The following CDKAL1 variants were observed in gnomAD, a reference collection of about 807,000 sequenced individuals.
CDKAL1 encodes threonylcarbamoyladenosine tRNA methylthiotransferase.
A neutral mutation model predicts 68.2 loss-of-function variants in CDKAL1; 32 were observed. The ratio of observed to expected loss-of-function variants is 0.47; its 90% CI spans 0.35 to 0.63. CDKAL1 has a LOEUF of 0.63. Ranked by LOEUF, CDKAL1 falls within the 30% of genes least tolerant of loss-of-function variation. The pLI is 0.00. For missense variants in CDKAL1, 606 were observed against 696.7 expected (o/e 0.87, Z 1.47); for synonymous variants, 234 against 244.3 (o/e 0.96, Z 0.39).
At chr6:21,196,346 A>C (rs1001563481) in intron 13 of CDKAL1, among the ~76,000 whole-genome samples, 5 of 152,208 alleles carry the variant, frequency 3.3e-5, no homozygotes, top group African/African-American at 1.2e-4. Context: ...AGTGATACCC[A>C]ATATTCACCA....
intron 8 of CDKAL1, among the ~76,000 whole-genome samples, chr6:20,828,925 G>A (rs1345786622): frequency 2.6e-5 from 4 of 152,074 alleles, no homozygotes; most frequent in African/African-American, 9.7e-5. Flanking sequence ...CCTCATATAA[G>A]TAGAATCGTA....
chr6:21,060,143 A>G (rs763039586), intron 11 of CDKAL1, among the ~76,000 whole-genome samples: 59 of 152,170 alleles, frequency 3.9e-4, no homozygotes, highest in Non-Finnish European at 7.3e-4. Flanking sequence ...GGTAGAATTC[A>G]CCATGAAACC....
chr6:21,094,611 T>C (rs1402871703), intron 12 of CDKAL1, among the ~76,000 whole-genome samples: 1 of 152,204 alleles, frequency 6.6e-6, no homozygotes, highest in African/African-American at 2.4e-5. Flanking sequence ...TGTAGCTTCC[T>C]CTACAATAAA....
At chr6:20,862,565 A>G (rs1236337348) in intron 9 of CDKAL1, among the ~76,000 whole-genome samples, 11 of 152,232 alleles carry the variant, frequency 7.2e-5, no homozygotes, top group Admixed American at 7.2e-4. Flanking sequence ...AGAAAGGAGG[A>G]ACAGGAAAAA....
intron 11 of CDKAL1, among the ~76,000 whole-genome samples, chr6:21,062,907 TTTG>T (rs1425963078): frequency 1.8e-4 from 1 of 5,520 alleles, no homozygotes; most frequent in East Asian, 1.1e-3. Context: ...AGAACTGTTT[TTTG>T]TTTGTTTGTT....
chr6:20,639,949 G>A (rs888796662), intron 4 of CDKAL1, among the ~76,000 whole-genome samples: 1 of 152,234 alleles, frequency 6.6e-6, no homozygotes, highest in Non-Finnish European at 1.5e-5. Context: ...GATTACAGGC[G>A]CGAGCCACCG....
chr6:20,924,304 T>G (rs1763087475), intron 9 of CDKAL1, among the ~76,000 whole-genome samples: 1 of 150,834 alleles, frequency 6.6e-6, no homozygotes, highest in South Asian at 2.1e-4. Context: ...GTGCAAAGGT[T>G]GCAGTGAGCT....
rs1031733725 is a variant in CDKAL1, at chr6:20,788,144, G to A, written c.638+6879G>A. On this transcript the variant is annotated intron_variant, in intron 8 of 15. Transcript: ENST00000274695. ...GCTAATTAGCAAAGCTTCTAGTATT[G>A]ACTAAAGATAAAAGATAGCTTAAAC... 2.6e-5 allele frequency among the ~76,000 whole-genome samples: 4 copies of A among 152,138 alleles called. No individual in the cohort carries two copies. In the South Asian group the frequency reaches 8.3e-4, roughly 32 times the overall value.
At chr6:21,183,636 A>G (rs187519474) in intron 13 of CDKAL1, among the ~76,000 whole-genome samples, 30 of 152,310 alleles carry the variant, frequency 2.0e-4, no homozygotes, top group African/African-American at 3.4e-4. Flanking sequence ...TTCTTATAAT[A>G]AATGGAAGAT....
At chr6:20,955,830 C>G (rs1764750070) in intron 10 of CDKAL1, among the ~76,000 whole-genome samples, 1 of 152,120 alleles carries the variant, frequency 6.6e-6, no homozygotes, top group Non-Finnish European at 1.5e-5. Context: ...TGCCACAGTT[C>G]TTTGTTTCTT....
At chr6:20,656,705 G>A (rs1261843195) in intron 5 of CDKAL1, among the ~76,000 whole-genome samples, 2 of 152,026 alleles carry the variant, frequency 1.3e-5, no homozygotes. Flanking sequence ...GTGTCAATGG[G>A]TTTTGTTATA....
intron 4 of CDKAL1, among the ~76,000 whole-genome samples, chr6:20,597,571 T>G (rs1407338024): frequency 6.6e-6 from 1 of 152,100 alleles, no homozygotes; most frequent in African/African-American, 2.4e-5. Context: ...TGCACCACCA[T>G]GCCCGGCCAG....
intron 10 of CDKAL1, among the ~76,000 whole-genome samples, chr6:20,976,239 G>A (rs896809730): frequency 2.0e-5 from 3 of 152,076 alleles, no homozygotes; most frequent in Non-Finnish European, 2.9e-5. Flanking sequence ...TTGTCTGAAT[G>A]TATCACAACT....
At chr6:20,984,816 G>GT (rs1554152529) in intron 10 of CDKAL1, among the ~76,000 whole-genome samples, 24 of 145,524 alleles carry the variant, frequency 1.6e-4, no homozygotes, top group South Asian at 4.2e-4. Flanking sequence ...AGTAACGGGG[G>GT]GGGGTGGGGA....
At chr6:20,873,180 A>C (rs1252779808) in intron 9 of CDKAL1, among the ~76,000 whole-genome samples, 1 of 152,202 alleles carries the variant, frequency 6.6e-6, no homozygotes, top group Non-Finnish European at 1.5e-5. Flanking sequence ...ATGATGAATA[A>C]GACGATGTTT....
intron 8 of CDKAL1, among the ~76,000 whole-genome samples, chr6:20,835,218 A>T (rs956778624): frequency 6.6e-6 from 1 of 152,198 alleles, no homozygotes; most frequent in African/African-American, 2.4e-5. Context: ...TGTTTCACAG[A>T]TGTATTCATA....
At chr6:21,094,508 A>G (rs1187339885) in intron 12 of CDKAL1, among the ~76,000 whole-genome samples, 2 of 152,208 alleles carry the variant, frequency 1.3e-5, no homozygotes, top group East Asian at 3.8e-4. Context: ...AAAATAGACA[A>G]ACTCTCCAAG....
At chr6:21,110,427 G>A (rs530091213) in intron 13 of CDKAL1, among the ~76,000 whole-genome samples, 149 of 152,168 alleles carry the variant, frequency 9.8e-4, no homozygotes, top group African/African-American at 3.3e-3. Flanking sequence ...ATTTTTCCCC[G>A]CATGAATTAA....
intron 4 of CDKAL1, among the ~76,000 whole-genome samples, chr6:20,635,258 G>A (rs73732623): frequency 0.017 from 2,534 of 152,150 alleles, 51 homozygotes; most frequent in African/African-American, 0.055. Context: ...AGAAGGTAGG[G>A]TATTTTTCTC....
Sources: gnomAD v4.1 joint callset for allele counts (sites outside exome capture counted in the v4.1 genomes callset) on GRCh38, gnomAD v4.1.1 for gene constraint, MANE v1.5 for transcripts, NCBI Gene and HGNC (gene_info 2026-07-23, HGNC 2026-07-21) for gene names.